CNBD1: variants seen among roughly 807,000 people sequenced by gnomAD.
CNBD1 encodes the protein cyclic nucleotide binding domain containing 1, also known as cyclic nucleotide-binding domain-containing protein 1.
In CNBD1, 71 loss-of-function variants were observed where a neutral mutation model predicts 54.4. The observed-to-expected ratio is 1.30, with a 90% CI of 1.08 to 1.59. CNBD1 has a LOEUF of 1.59. Among genes scored for constraint, CNBD1 ranks in the 40% most tolerant of loss-of-function variants. The pLI, the probability that CNBD1 is intolerant of heterozygous loss-of-function variation, is 0.00. For missense variants in CNBD1, 659 were observed against 518.0 expected, an observed-to-expected ratio of 1.27 and a Z score of -2.64; for synonymous variants, 182 against 170.7, an observed-to-expected ratio of 1.07 and a Z score of -0.51.
At chr8:87,267,490 T>G (rs1477834029) in intron 6 of CNBD1, among the ~76,000 whole-genome samples, 1 of 152,170 alleles carries the variant, frequency 6.6e-6, no homozygotes, top group Non-Finnish European at 1.5e-5. Context: ...GATGCTCTAG[T>G]GCTAACATGG....
At chr8:87,108,768 T>G (rs1423656439) in intron 4 of CNBD1, among the ~76,000 whole-genome samples, 1 of 152,214 alleles carries the variant, frequency 6.6e-6, no homozygotes. Context: ...AGACCTATAG[T>G]CATGATAATA....
chr8:87,305,043 A>G (rs1809111969), intron 8 of CNBD1, among the ~76,000 whole-genome samples: 1 of 152,180 alleles, frequency 6.6e-6, no homozygotes. Context: ...TAGAACTGAT[A>G]TAAGAATTCA....
intron 4 of CNBD1, among the ~76,000 whole-genome samples, chr8:87,107,870 T>C (rs1193380199): frequency 6.6e-6 from 1 of 152,216 alleles, no homozygotes. Flanking sequence ...AGCATACCCA[T>C]AGGGCCTGAT....
At chr8:86,883,328 GC>G (rs1808632067) in intron 1 of CNBD1, among the ~76,000 whole-genome samples, 1 of 152,148 alleles carries the variant, frequency 6.6e-6, no homozygotes, top group African/African-American at 2.4e-5. Flanking sequence ...TCTTGAGTTT[GC>G]TTTTCCTGGG....
intron 5 of CNBD1, among the ~76,000 whole-genome samples, chr8:87,209,982 G>A (rs761907689): frequency 3.3e-5 from 5 of 152,126 alleles, no homozygotes; most frequent in Admixed American, 6.5e-5. Context: ...GATACTGAGT[G>A]AGTTCTCATG....
At chr8:86,909,041 C>T (rs1221217286) in intron 3 of CNBD1, among the ~76,000 whole-genome samples, 1 of 152,114 alleles carries the variant, frequency 6.6e-6, no homozygotes, top group African/African-American at 2.4e-5. Context: ...CAGGCGTGAG[C>T]CACTGCGCGG....
At chr8:87,279,902 G>T (rs1808561701) in intron 6 of CNBD1, among the ~76,000 whole-genome samples, 1 of 151,292 alleles carries the variant, frequency 6.6e-6, no homozygotes, top group African/African-American at 2.4e-5. Context: ...AAATTTATTG[G>T]CTACATTTAC....
At chr8:87,271,485 C>G (rs927624456) in intron 6 of CNBD1, among the ~76,000 whole-genome samples, 3 of 151,836 alleles carry the variant, frequency 2.0e-5, no homozygotes, top group Non-Finnish European at 2.9e-5. Context: ...AAATTTTCTT[C>G]TTAAGTTATT....
At chr8:86,909,403 A>G (rs1809066923) in intron 3 of CNBD1, among the ~76,000 whole-genome samples, 1 of 152,246 alleles carries the variant, frequency 6.6e-6, no homozygotes, top group Non-Finnish European at 1.5e-5. Context: ...TCTTGGAAGT[A>G]TCGTAAAGCT....
chr8:87,150,452 GC>G (rs760429471), intron 4 of CNBD1, among the ~76,000 whole-genome samples: 10 of 152,032 alleles, frequency 6.6e-5, no homozygotes, highest in Non-Finnish European at 1.3e-4. Context: ...TTTTGAATGA[GC>G]TAATATTCCT....
At chr8:86,900,167 T>G (rs1808911205) in intron 2 of CNBD1, among the ~76,000 whole-genome samples, 1 of 152,150 alleles carries the variant, frequency 6.6e-6, no homozygotes, top group South Asian at 2.1e-4. Context: ...AGATTTTTTT[T>G]CTTTTTTTGC....
intron 4 of CNBD1, among the ~76,000 whole-genome samples, chr8:87,077,287 C>T (rs1810891294): frequency 6.6e-6 from 1 of 152,074 alleles, no homozygotes; most frequent in African/African-American, 2.4e-5. Context: ...CTAGGTCGGG[C>T]TGTCAGCAGG....
chr8:87,093,250 C>T (rs1475356423), intron 4 of CNBD1, among the ~76,000 whole-genome samples: 1 of 152,140 alleles, frequency 6.6e-6, no homozygotes, highest in East Asian at 1.9e-4. Flanking sequence ...AATTTTTCGG[C>T]CACCTTTGTG....
At chr8:86,980,308 T>A (rs1003506108) in intron 4 of CNBD1, among the ~76,000 whole-genome samples, 1 of 152,238 alleles carries the variant, frequency 6.6e-6, no homozygotes, top group African/African-American at 2.4e-5. Flanking sequence ...GCAAGAGTAC[T>A]ATCCAGCCAA....
intron 3 of CNBD1, among the ~76,000 whole-genome samples, chr8:86,930,520 T>A (rs1329543007): frequency 1.3e-5 from 2 of 152,238 alleles, no homozygotes; most frequent in African/African-American, 2.4e-5. Context: ...ACTGTCCACA[T>A]AAGTTGGGAC....
intron 8 of CNBD1, among the ~76,000 whole-genome samples, chr8:87,301,900 A>C (rs1227779760): frequency 6.6e-6 from 1 of 152,174 alleles, no homozygotes; most frequent in Non-Finnish European, 1.5e-5. Context: ...GAAATGGATA[A>C]ATTCCTCGAC....
At chr8:87,332,452 C>G (rs1465453599) in intron 8 of CNBD1, among the ~76,000 whole-genome samples, 1 of 151,906 alleles carries the variant, frequency 6.6e-6, no homozygotes, top group East Asian at 1.9e-4. Flanking sequence ...AAAAGATTTA[C>G]CCATGCCTAT....
chr8:87,171,690 G>T (rs2130768985), intron 4 of CNBD1, among the ~76,000 whole-genome samples: 1 of 151,650 alleles, frequency 6.6e-6, no homozygotes, highest in African/African-American at 2.4e-5. Context: ...CCAGGCTGGA[G>T]TGCAGTGACA....
At chr8:86,920,342 A>G (rs6981579) in intron 3 of CNBD1, among the ~76,000 whole-genome samples, 4,181 of 152,278 alleles carry the variant, frequency 0.027, 178 homozygotes, top group African/African-American at 0.09. Context: ...AAAGAGAGAA[A>G]GAGGTAGCTT....
Sources: allele counts gnomAD v4.1 joint callset (sites outside exome capture counted in the v4.1 genomes callset), GRCh38; gene constraint gnomAD v4.1.1; transcripts MANE v1.5; gene names NCBI Gene and HGNC (gene_info 2026-07-23, HGNC 2026-07-21).